The following EPB41L5 variants were observed in gnomAD, a reference collection of about 807,000 sequenced individuals.
The protein encoded by EPB41L5 is band 4.1-like protein 5.
In EPB41L5, 55 loss-of-function variants were observed where a neutral mutation model predicts 106.6. That is an observed-to-expected ratio of 0.52 (90% CI 0.42 to 0.65). The LOEUF (loss-of-function observed/expected upper bound fraction) is 0.65, where lower values mean the gene tolerates loss of function less well. Ranked by LOEUF, EPB41L5 falls within the 30% of genes least tolerant of loss-of-function variation. EPB41L5 has a pLI of 0.00. For synonymous variants in EPB41L5, 297 were observed against 306.7 expected (o/e 0.97, Z 0.33); for missense variants, 871 against 882.1 (o/e 0.99, Z 0.16).
chr2:120,023,486 T>A (rs566078328), intron 2 of EPB41L5, among the ~76,000 whole-genome samples: 1 of 152,178 alleles, frequency 6.6e-6, no homozygotes, highest in East Asian at 1.9e-4. Context: ...AAAGATCAGG[T>A]GGTTGTAGAT....
chr2:120,056,536 C>T (rs1428591855), intron 3 of EPB41L5, among the ~76,000 whole-genome samples: 6 of 151,900 alleles, frequency 3.9e-5, no homozygotes, highest in African/African-American at 1.2e-4. Flanking sequence ...TGTATGCAAG[C>T]GATCCTTTTG....
chr2:120,016,832 A>G (rs1677559870), intron 1 of EPB41L5, among the ~76,000 whole-genome samples: 3 of 152,184 alleles, frequency 2.0e-5, no homozygotes, highest in South Asian at 2.1e-4. Context: ...GGCAGCTGAA[A>G]TGAGACTGGA....
intron 3 of EPB41L5, among the ~76,000 whole-genome samples, chr2:120,070,950 C>T (rs932644571): frequency 1.3e-5 from 2 of 152,164 alleles, no homozygotes; most frequent in Non-Finnish European, 2.9e-5. Flanking sequence ...CCGTCTCTCA[C>T]CACTCCTATT....
chr2:120,026,208 G>A (rs1000628288), intron 2 of EPB41L5, among the ~76,000 whole-genome samples: 14 of 152,158 alleles, frequency 9.2e-5, no homozygotes, highest in South Asian at 2.1e-4. Flanking sequence ...TTGATATATC[G>A]TAGTCGTACA....
intron 16 of EPB41L5, among the ~76,000 whole-genome samples, chr2:120,115,416 G>GT (rs1419768955): frequency 6.6e-6 from 1 of 151,846 alleles, no homozygotes; most frequent in Non-Finnish European, 1.5e-5. Flanking sequence ...TTATTTATTT[G>GT]TTTTTTGAGA....
intron 3 of EPB41L5, among the ~76,000 whole-genome samples, chr2:120,069,307 C>G (rs1681692879): frequency 6.6e-6 from 1 of 151,870 alleles, no homozygotes; most frequent in African/African-American, 2.4e-5. Context: ...ATAGGAGCAC[C>G]CAGATTCATA....
chr2:120,105,308 CTA>C lies in EPB41L5; in HGVS notation c.1337+4496_1337+4497del, dbSNP rs1251759323. On this transcript the variant is annotated intron_variant, in intron 16 of 24. Transcript: ENST00000263713. Reference sequence around the variant, plus strand: ...TTAGAAAAATTTTCAAATTTTTAAACTATGTACATAGAAATTTATAGATATTT... The same window carrying C: ...TTAGAAAAATTTTCAAATTTTTAAACTGTACATAGAAATTTATAGATATTT... 6 of 957,974 alleles carry C rather than the reference CTA, an allele frequency of 6.3e-6. No individual in the cohort carries two copies. In the South Asian group the frequency reaches 1.9e-4, roughly 31 times the overall value. 59.3% of individuals were successfully genotyped at this position (957,974 alleles called of 1,614,324 possible).
chr2:120,038,506 G>A (rs1679187108), intron 2 of EPB41L5, among the ~76,000 whole-genome samples: 1 of 152,194 alleles, frequency 6.6e-6, no homozygotes, highest in South Asian at 2.1e-4. Flanking sequence ...GGGTGCAGTG[G>A]CTCACTCCTG....
At chr2:120,075,018 G>A (rs571474907) in intron 5 of EPB41L5, among the ~76,000 whole-genome samples, 4 of 152,250 alleles carry the variant, frequency 2.6e-5, no homozygotes, top group Admixed American at 6.5e-5. Flanking sequence ...AATAGAGACG[G>A]GGTTTCGCCA....
At chr2:120,137,236 T>C (rs1162554889) in intron 18 of EPB41L5, among the ~76,000 whole-genome samples, 2 of 152,076 alleles carry the variant, frequency 1.3e-5, no homozygotes, top group African/African-American at 4.8e-5. Context: ...GGAAAGTTTA[T>C]AGCAATAAGC....
rs1683418528 is a variant in EPB41L5 at position 120,091,646 on chromosome 2, A to T, written c.1135A>T (p.Thr379Ser). 1 of 1,612,782 alleles carries T rather than the reference A, an allele frequency of 6.2e-7. No individual in the cohort carries two copies. The highest frequency in any genetic ancestry group is 1.1e-5 in the South Asian group (1 of 91,042). The change falls in exon 13 of 25, where the codon ACT (threonine) becomes TCT (serine). Residue 379 changes from threonine (T) to serine (S), a missense_variant. By Grantham distance (58) the Thr-to-Ser change is moderately conservative (BLOSUM62 1). Transcript: ENST00000263713. ...RRPSKRYSRR[T>S]LQMKACATKP... Reference sequence around the variant, plus strand: ...GCCCAGCAAACGATATTCTAGACGAACTCTACAAATGAAAGGTGAAGTGCA... The same window carrying T: ...GCCCAGCAAACGATATTCTAGACGATCTCTACAAATGAAAGGTGAAGTGCA...
intron 23 of EPB41L5, among the ~76,000 whole-genome samples, 172 bp downstream of exon 23, chr2:120,167,679 A>G (rs1452852846): frequency 6.6e-6 from 1 of 152,258 alleles, no homozygotes; most frequent in Non-Finnish European, 1.5e-5. Flanking sequence ...CTGGTTGTAA[A>G]TGTTTGTCAG....
intron 16 of EPB41L5, chr2:120,104,231 TGA>T (rs1395814374): frequency 6.5e-7 from 1 of 1,535,432 alleles, no homozygotes; most frequent in African/African-American, 1.4e-5. Flanking sequence ...CAGCCATGAC[TGA>T]GATATGAGTG....
chr2:120,142,346 A>G lies in EPB41L5; in HGVS notation c.1600-657A>G, dbSNP rs188722012. 9.2e-5 allele frequency among the ~76,000 whole-genome samples: 14 copies of G among 152,142 alleles called. No homozygotes were observed. In the East Asian group the frequency reaches 2.5e-3, roughly 27 times the overall value. ...ATTACTTCCTTCCCCTTAATTTCCTAAGGCAATCCAGAATGTTCTTTATCT... is the reference window on the plus strand; with the variant it reads ...ATTACTTCCTTCCCCTTAATTTCCTGAGGCAATCCAGAATGTTCTTTATCT... On this transcript the variant is annotated intron_variant, in intron 18 of 24. Coordinates refer to ENST00000263713, the MANE Select transcript of EPB41L5 (RefSeq NM_020909.4).
chr2:120,031,412 A>T (rs1678701871), intron 2 of EPB41L5, among the ~76,000 whole-genome samples: 1 of 152,170 alleles, frequency 6.6e-6, no homozygotes, highest in African/African-American at 2.4e-5. Context: ...TGGATCTGAA[A>T]GAGGTGGTGA....
At chr2:120,081,838 TGG>T (rs1413661463) in intron 10 of EPB41L5, among the ~76,000 whole-genome samples, 1 of 152,196 alleles carries the variant, frequency 6.6e-6, no homozygotes, top group Non-Finnish European at 1.5e-5. Context: ...CCTTGTAAGT[TGG>T]ATTCCTAGGT....
chr2:120,046,642 G>C, intron 3 of EPB41L5, among the ~76,000 whole-genome samples: 1 of 151,876 alleles, frequency 6.6e-6, no homozygotes, highest in African/African-American at 2.4e-5. Context: ...TTCTTTTGCT[G>C]TGCAGAAGCT....
intron 3 of EPB41L5, among the ~76,000 whole-genome samples, chr2:120,067,246 A>G (rs1681505728): frequency 2.0e-5 from 3 of 152,268 alleles, no homozygotes; most frequent in South Asian, 4.1e-4. Flanking sequence ...TGCCACACTG[A>G]TAGTTCAGTG....
chr2:120,041,688 G>A (rs1248307720), intron 2 of EPB41L5, among the ~76,000 whole-genome samples: 2 of 151,952 alleles, frequency 1.3e-5, no homozygotes, highest in Non-Finnish European at 2.9e-5. Context: ...TTAAAGTAGG[G>A]ACTCTAAAAA....
Sources: gnomAD v4.1 joint callset for allele counts (sites outside exome capture counted in the v4.1 genomes callset) on GRCh38, gnomAD v4.1.1 for gene constraint, MANE v1.5 for transcripts, NCBI Gene and HGNC (gene_info 2026-07-23, HGNC 2026-07-21) for gene names.